The following TRIM24 variants were observed in gnomAD, a reference collection of about 807,000 sequenced individuals.
TRIM24 encodes tripartite motif containing 24, also known as transcription intermediary factor 1-alpha.
TRIM24 carries 29 observed loss-of-function variants against 123.9 expected under a neutral mutation model. The observed-to-expected ratio is 0.23, with a 90% CI of 0.17 to 0.32. The LOEUF (loss-of-function observed/expected upper bound fraction) is 0.32, where lower values mean the gene tolerates loss of function less well. Ranked by LOEUF, TRIM24 falls within the 10% of genes least tolerant of loss-of-function variation. The pLI is 1.00. For synonymous variants in TRIM24, 456 were observed against 461.1 expected, an observed-to-expected ratio of 0.99 and a Z score of 0.14; for missense variants, 932 against 1,295.3, an observed-to-expected ratio of 0.72 and a Z score of 4.31.
intron 1 of TRIM24, among the ~76,000 whole-genome samples, chr7:138,503,181 A>G (rs1796078302): frequency 6.6e-6 from 1 of 152,042 alleles, no homozygotes; most frequent in African/African-American, 2.4e-5. Flanking sequence ...TTTAATTGTT[A>G]CAGCTTTATA....
At chr7:138,533,325 C>T (rs557367935) in intron 6 of TRIM24, among the ~76,000 whole-genome samples, 52 of 152,264 alleles carry the variant, frequency 3.4e-4, no homozygotes, top group Middle Eastern at 3.4e-3. Context: ...CCAGTTTTTG[C>T]CCATTCAGTA....
At chr7:138,559,472 G>A (rs544878866) in intron 9 of TRIM24, among the ~76,000 whole-genome samples, 1 of 152,172 alleles carries the variant, frequency 6.6e-6, no homozygotes, top group African/African-American at 2.4e-5. Flanking sequence ...GTATTATAAG[G>A]AAAGCTATTG....
intron 1 of TRIM24, among the ~76,000 whole-genome samples, chr7:138,469,367 G>C (rs1190057330): frequency 1.4e-5 from 2 of 147,562 alleles, no homozygotes; most frequent in African/African-American, 5.0e-5. Context: ...GTCTCGTGCA[G>C]TGGCCATCTT....
chr7:138,481,118 G>A (rs1229248425), intron 1 of TRIM24, among the ~76,000 whole-genome samples: 2 of 151,898 alleles, frequency 1.3e-5, no homozygotes, highest in Non-Finnish European at 1.5e-5. Context: ...TCAGCCTCCC[G>A]AGTAGTAGGG....
rs1001891672 is a variant in TRIM24 at position 138,586,026 on chromosome 7, C to T, written c.*1075C>T. 1 of 442,952 alleles carries T rather than the reference C, an allele frequency of 2.3e-6. No homozygotes were observed. Among genetic ancestry groups the T allele is most frequent in the Non-Finnish European group, 4.4e-6 (1 of 225,384 alleles). The allele number at this position is 442,952 out of a possible 1,614,324, so 27.4% of individuals were successfully genotyped here. On this transcript the variant is annotated 3_prime_UTR_variant, in exon 19 of 19. Transcript: ENST00000343526. Reference sequence around the variant, plus strand: ...TTTTTTTTTTTCCTGAAGCATCTATCTCATGTTTTTCTTTTGAGAGTCAGA... The same window carrying T: ...TTTTTTTTTTTCCTGAAGCATCTATTTCATGTTTTTCTTTTGAGAGTCAGA...
chr7:138,463,737 A>G (rs903868926), intron 1 of TRIM24, among the ~76,000 whole-genome samples: 21 of 152,288 alleles, frequency 1.4e-4, no homozygotes, highest in African/African-American at 4.8e-4. Context: ...TGTAATTACA[A>G]TCTGAATATT....
intron 7 of TRIM24, among the ~76,000 whole-genome samples, chr7:138,541,127 C>CT (rs1796995105): frequency 6.6e-6 from 1 of 152,128 alleles, no homozygotes; most frequent in African/African-American, 2.4e-5. Context: ...GCATGAACCA[C>CT]TGCACCCAGC....
At chr7:138,556,633 A>G (rs915486619) in intron 9 of TRIM24, among the ~76,000 whole-genome samples, 1 of 152,218 alleles carries the variant, frequency 6.6e-6, no homozygotes. Flanking sequence ...TACATTCCCA[A>G]CTGTAGAGAA....
chr7:138,492,009 T>C (rs1795797078), intron 1 of TRIM24, among the ~76,000 whole-genome samples: 1 of 151,760 alleles, frequency 6.6e-6, no homozygotes, highest in Admixed American at 6.6e-5. Context: ...TGAACACTTA[T>C]AATCCCAGCT....
At chr7:138,466,353 G>T (rs897058634) in intron 1 of TRIM24, among the ~76,000 whole-genome samples, 1 of 151,004 alleles carries the variant, frequency 6.6e-6, no homozygotes, top group African/African-American at 2.4e-5. Context: ...TCATGGTTTT[G>T]GTTTTCATTT....
At chr7:138,580,347 A>C (rs918979403) in intron 15 of TRIM24, among the ~76,000 whole-genome samples, 11 of 151,756 alleles carry the variant, frequency 7.2e-5, no homozygotes, top group African/African-American at 2.7e-4. Flanking sequence ...TCTTAACTAG[A>C]TTTTGATGTT....
At chr7:138,537,395 T>TG (rs1796911377) in intron 6 of TRIM24, among the ~76,000 whole-genome samples, 1 of 140,684 alleles carries the variant, frequency 7.1e-6, no homozygotes, top group East Asian at 2.0e-4. Context: ...TTTTTTTTTT[T>TG]TTTTTTTTTT....
intron 1 of TRIM24, among the ~76,000 whole-genome samples, chr7:138,476,574 C>A (rs866704080): frequency 7.0e-6 from 1 of 141,960 alleles, no homozygotes; most frequent in Non-Finnish European, 1.5e-5. Context: ...GCCTGGGCGA[C>A]AGAGCGAGGC....
chr7:138,532,396 G>C (rs558730824), intron 6 of TRIM24, among the ~76,000 whole-genome samples: 214 of 152,246 alleles, frequency 1.4e-3, no homozygotes, highest in African/African-American at 5.0e-3. Flanking sequence ...TTTTGTATCA[G>C]GTGTAAGGAA....
At chr7:138,561,956 C>T (rs562390433) in intron 9 of TRIM24, among the ~76,000 whole-genome samples, 6 of 152,094 alleles carry the variant, frequency 3.9e-5, no homozygotes, top group South Asian at 4.1e-4. Context: ...TCTTATTTGT[C>T]GCTGGGTGTT....
At chr7:138,529,300 T>G in intron 6 of TRIM24, 70 bp downstream of exon 6, 4 of 791,400 alleles carry the variant, frequency 5.1e-6, no homozygotes, top group Non-Finnish European at 7.5e-6. Flanking sequence ...GAAGTAGAAA[T>G]CATAGTGCTT....
At chr7:138,463,999 T>TTTTTTTTTTTTTTTTTTTTTTTTTTG (rs1795075185) in intron 1 of TRIM24, among the ~76,000 whole-genome samples, 1 of 99,130 alleles carries the variant, frequency 1.0e-5, no homozygotes, top group Non-Finnish European at 2.1e-5. Context: ...CTTTTTTTTT[T>TTTTTTTTTTTTTTTTTTTTTTTTTTG]TTTTTTTTTT....
chr7:138,538,528 G>A, intron 6 of TRIM24, 129 bp from the exon 7 acceptor site: 3 of 1,053,204 alleles, frequency 2.8e-6, no homozygotes, highest in South Asian at 1.7e-5. Flanking sequence ...AGGGAAAACA[G>A]AGTATTTTTA....
At chr7:138,574,246 T>G (rs1324479120) in intron 12 of TRIM24, among the ~76,000 whole-genome samples, 1 of 152,246 alleles carries the variant, frequency 6.6e-6, no homozygotes. Flanking sequence ...CTTCTGGTGA[T>G]TTGTTTGGTG....
Sources: gnomAD v4.1 joint callset for allele counts (sites outside exome capture counted in the v4.1 genomes callset) on GRCh38, gnomAD v4.1.1 for gene constraint, MANE v1.5 for transcripts, NCBI Gene and HGNC (gene_info 2026-07-23, HGNC 2026-07-21) for gene names.